ZFTA: variants seen among roughly 807,000 people sequenced by gnomAD.
The protein encoded by ZFTA is zinc finger translocation-associated protein.
A neutral mutation model predicts 41.8 loss-of-function variants in ZFTA; 35 were observed. The ratio of observed to expected loss-of-function variants is 0.84; its 90% CI spans 0.64 to 1.11. ZFTA has a LOEUF of 1.11. ZFTA is among the 50% of genes most tolerant of loss of function. The pLI is 0.00. For missense variants in ZFTA, 964 were observed against 989.8 expected, an observed-to-expected ratio of 0.97 and a Z score of 0.35; for synonymous variants, 514 against 436.4, an observed-to-expected ratio of 1.18 and a Z score of -2.22.
chr11:63,761,981 C>G lies in ZFTA; in HGVS notation c.*1437G>C, dbSNP rs533327145. 30 of 152,542 alleles carry G rather than the reference C, an allele frequency of 2.0e-4. 1 individual carries two copies. Among genetic ancestry groups the G allele is most frequent in the Admixed American group, 1.6e-3 (24 of 15,314 alleles). 9.4% of individuals were successfully genotyped at this position (152,542 alleles called of 1,614,324 possible). On this transcript the variant is annotated 3_prime_UTR_variant, in exon 5 of 5. Coordinates refer to ENST00000433688, the MANE Select transcript of ZFTA (RefSeq NM_001144936.2). ...CAGGGGCTGGACCACGCTGCCCAGG[C>G]ATCTCTTCCTCCAGACCCAACCCTC...
chr11:63,768,284 G>A (rs1453471769), intron 1 of ZFTA, among the ~76,000 whole-genome samples, 200 bp downstream of exon 1: 1 of 149,416 alleles, frequency 6.7e-6, no homozygotes, highest in East Asian at 2.0e-4. Flanking sequence ...AGCCGCCCGA[G>A]CCCCGCGAGC....
At position 63,762,559 on chromosome 11, in the gene ZFTA, G is replaced by A. The variant is rs2014661501; in HGVS notation, c.*859C>T. The stretch of plus-strand genomic sequence containing the variant: ...GGATGGGGATGGGGCGGGAATCGAA[G>A]GCTGACTGCCGGGACCGCCTGTGCC... On this transcript the variant is annotated 3_prime_UTR_variant, in exon 5 of 5. Coordinates refer to ENST00000433688, the MANE Select transcript of ZFTA (RefSeq NM_001144936.2). 1 of 152,376 alleles carries A rather than the reference G, an allele frequency of 6.6e-6. No homozygotes were observed. The highest frequency in any genetic ancestry group is 6.5e-5 in the Admixed American group (1 of 15,290). 9.4% of individuals were successfully genotyped at this position (152,376 alleles called of 1,614,324 possible).
rs1370399840 is a variant in ZFTA at position 63,765,087 on chromosome 11, G to T, written c.805C>A (p.Arg269=). 1.3e-6 allele frequency: 2 copies of T among 1,548,726 alleles called. No individual in the cohort carries two copies. Among genetic ancestry groups the T allele is most frequent in the Non-Finnish European group, 1.7e-6 (2 of 1,146,464 alleles). The stretch of plus-strand genomic sequence containing the variant: ...TCATAGTCCATGAGACACTCGGCCC[G>T]GAACCAGTTCTGCAGGGACTCCTTC... ...RLKESLQNWF[R]AECLMDYDPR... Residue 269 remains arginine, a synonymous_variant, in exon 3 of 5, where the codon CGG becomes AGG. Transcript: ENST00000433688. The surrounding 1 kb of genome is among the most constrained non-coding windows in gnomAD (Gnocchi z 4.0).
In ZFTA at chr11:63,765,179, C is replaced by T. The variant is rs948275732; in HGVS notation, c.713G>A (p.Arg238His). The change falls in exon 3 of 5, where the codon CGC becomes CAC. Residue 238 changes from arginine (R) to histidine (H), a missense_variant. By Grantham distance (29) the Arg-to-His change is conservative. Coordinates refer to ENST00000433688, the MANE Select transcript of ZFTA (RefSeq NM_001144936.2). This position sits in a 1 kb window ranked among gnomAD's most constrained non-coding sequence, Gnocchi z 4.0. ...CCCGGCCCTCCGGGAGGCTGAGAGG[C>T]GCAGACGCCGAGCCCGGGGTGCCAC... ...GPVAPRARRL[R>H]LSASRRAGGS... 4.6e-6 allele frequency: 7 copies of T among 1,530,658 alleles called. No homozygotes were observed. The highest frequency in any genetic ancestry group is 1.4e-5 in the African/African-American group (1 of 71,704). The allele number at this position is 1,530,658 out of a possible 1,614,324, so 94.8% of individuals were successfully genotyped here. A position where few individuals can be genotyped will look rare whatever the true frequency, so the allele number is the denominator to read the frequency against.
chr11:63,765,352 A>AGG lies in ZFTA; in HGVS notation c.638-100_638-99dup. On this transcript the variant is annotated intron_variant, in intron 2 of 4. Coordinates refer to ENST00000433688, the MANE Select transcript of ZFTA (RefSeq NM_001144936.2). This position sits in a 1 kb window ranked among gnomAD's most constrained non-coding sequence, Gnocchi z 4.0. ...CAAGCCTCTCACTCACTTGGGCCCC[A>AGG]GGCCTAACCTTTGCCCTTCTCTTCC... 7.7e-7 allele frequency: 1 copy of AGG among 1,303,570 alleles called. No individual in the cohort carries two copies. Among genetic ancestry groups the AGG allele is most frequent in the Non-Finnish European group, 1.0e-6 (1 of 996,534 alleles). The allele number at this position is 1,303,570 out of a possible 1,614,324, so 80.8% of individuals were successfully genotyped here.
intron 1 of ZFTA, among the ~76,000 whole-genome samples, 163 bp downstream of exon 1, chr11:63,768,320 TC>T (rs1228240369): frequency 6.8e-6 from 1 of 147,344 alleles, no homozygotes; most frequent in Admixed American, 6.7e-5. Context: ...GGCGGGGGGC[TC>T]CCCCGCCAGC....
rs1221855209 is a variant in ZFTA, at chr11:63,764,142, C to T, written c.1481G>A (p.Arg494His). 6.0e-6 allele frequency: 8 copies of T among 1,342,102 alleles called. No individual in the cohort carries two copies. The highest frequency in any genetic ancestry group is 4.0e-5 in the Admixed American group (1 of 24,934). 83.1% of individuals were successfully genotyped at this position (1,342,102 alleles called of 1,614,324 possible). The stretch of plus-strand genomic sequence containing the variant: ...GATGGGGCCCTGGGGGGACTCGGGG[C>T]GGGGCGGCCCCAGGGCCAGCAGGTG... ...AAHLLALGPPRPESPQGPIPP... is the reference protein window; with the variant it reads ...AAHLLALGPPHPESPQGPIPP... The change falls in exon 4 of 5, where the codon CGC becomes CAC. Residue 494 changes from arginine to histidine, a missense_variant. Coordinates refer to ENST00000433688, the MANE Select transcript of ZFTA (RefSeq NM_001144936.2).
At chr11:63,767,748 C>A (rs532713248) in intron 1 of ZFTA, among the ~76,000 whole-genome samples, 5 of 152,146 alleles carry the variant, frequency 3.3e-5, no homozygotes, top group Non-Finnish European at 7.3e-5. Context: ...AATGAGTCAA[C>A]AGTCTCCTTT....
rs774591536 is a variant in ZFTA at position 63,764,478 on chromosome 11, G to C, written c.1145C>G (p.Pro382Arg). ...CTCCTCTGCGGGCCCGGGCCTCTCA[G>C]GGACCCAGCCAGCCTCTTCCTTTAC... Reference protein sequence around the residue: ...PDVKEEAGWVPERPGPAEEEE... With the variant: ...PDVKEEAGWVRERPGPAEEEE... The change falls in exon 4 of 5, where the codon CCT becomes CGT. Residue 382 changes from proline to arginine, a missense_variant. Transcript: ENST00000433688. The C allele has an allele frequency of 3.2e-6, 4 of 1,262,404 alleles. No homozygotes were observed. In the African/African-American group the frequency reaches 4.7e-5, roughly 15 times the overall value. 78.2% of individuals were successfully genotyped at this position (1,262,404 alleles called of 1,614,324 possible). A position where few individuals can be genotyped will look rare whatever the true frequency, so the allele number is the denominator to read the frequency against.
Position 63,764,327 on chromosome 11 carries a change from G to A in ZFTA, c.1296C>T (p.Gly432=). 2.2e-6 allele frequency: 3 copies of A among 1,373,908 alleles called. No individual in the cohort carries two copies. The highest frequency in any genetic ancestry group is 1.6e-5 in the South Asian group (1 of 63,412). 85.1% of individuals were successfully genotyped at this position (1,373,908 alleles called of 1,614,324 possible). The change falls in exon 4 of 5, where the codon GGC becomes GGT. Residue 432 remains glycine, a synonymous_variant. Coordinates refer to ENST00000433688, the MANE Select transcript of ZFTA (RefSeq NM_001144936.2). ...WRLEYLMELD[G]GRRGLVCGVC... ...CCCCGCACACCAGGCCGCGCCGGCC[G>A]CCGTCCAACTCCATGAGGTACTCCA...
Position 63,766,315 on chromosome 11 carries a change from G to GTTT in ZFTA, c.140-12_140-11insAAA. 2.1e-6 allele frequency: 3 copies of GTTT among 1,421,606 alleles called. No homozygotes were observed. Among genetic ancestry groups the GTTT allele is most frequent in the Non-Finnish European group, 2.7e-6 (3 of 1,092,620 alleles). The allele number at this position is 1,421,606 out of a possible 1,614,324, so 88.1% of individuals were successfully genotyped here. ...GCTGAAGATCTTGCCCTGAAGAAGG[G>GTTT]GAAAGGGAGACAGTTTTTCAATCTC... On this transcript the variant is annotated splice_polypyrimidine_tract_variant and intron_variant, in intron 1 of 4. Coordinates refer to ENST00000433688, the MANE Select transcript of ZFTA (RefSeq NM_001144936.2).
Position 63,764,917 on chromosome 11 carries a change from G to A in ZFTA, c.975C>T (p.Ala325=), listed in dbSNP as rs1394440212. ...ACAGCGCCTCGGGCTGGCCCCCCCA[G>A]GCCTGCAGCAGGGCACTGCGCTGGG... is the stretch of plus-strand genomic sequence containing the variant. ...SGPQRSALLQ[A]WGGQPEALSE... Residue 325 remains alanine (A), a synonymous_variant, in exon 3 of 5, where the codon GCC becomes GCT. Transcript: ENST00000433688. 2 of 1,540,194 alleles carry A rather than the reference G, an allele frequency of 1.3e-6. No individual in the cohort carries two copies. The highest frequency in any genetic ancestry group is 1.7e-6 in the Non-Finnish European group (2 of 1,143,624).
Position 63,764,042 on chromosome 11 carries a change from C to T in ZFTA, c.1581G>A (p.Glu527=). 1 of 1,146,708 alleles carries T rather than the reference C, an allele frequency of 8.7e-7. No individual in the cohort carries two copies. The highest frequency in any genetic ancestry group is 1.6e-5 in the African/African-American group (1 of 60,620). 71.0% of individuals were successfully genotyped at this position (1,146,708 alleles called of 1,614,324 possible). The part of the protein sequence containing the change: ...EEEEPEEEEE[E]WGDVPLSPGA... Reference sequence around the variant, plus strand: ...TGCTCTGGCCCCACCGCTCACCCCACTCCTCCTCCTCCTCCTCTGGCTCCT... The same window carrying T: ...TGCTCTGGCCCCACCGCTCACCCCATTCCTCCTCCTCCTCCTCTGGCTCCT... The change falls in exon 4 of 5, where the codon GAG becomes GAA. Residue 527 remains glutamate, a synonymous_variant. Coordinates refer to ENST00000433688, the MANE Select transcript of ZFTA (RefSeq NM_001144936.2).
chr11:63,765,774 C>A lies in ZFTA; in HGVS notation c.637+33G>T, dbSNP rs1035923797. On this transcript the variant is annotated intron_variant, in intron 2 of 4. Coordinates refer to ENST00000433688, the MANE Select transcript of ZFTA (RefSeq NM_001144936.2). This position sits in a 1 kb window ranked among gnomAD's most constrained non-coding sequence, Gnocchi z 4.0. ...CACTGTGCCCCACTGGCCACCCAGG[C>A]CCCTGCCTGTACAGAATCTGCATTT... 5 of 1,441,934 alleles carry A rather than the reference C, an allele frequency of 3.5e-6. No homozygotes were observed. Among genetic ancestry groups the A allele is most frequent in the Non-Finnish European group, 4.5e-6 (5 of 1,099,346 alleles). 89.3% of individuals were successfully genotyped at this position (1,441,934 alleles called of 1,614,324 possible).
chr11:63,767,070 G>A (rs1463583987), intron 1 of ZFTA, among the ~76,000 whole-genome samples: 1 of 152,224 alleles, frequency 6.6e-6, no homozygotes, highest in African/African-American at 2.4e-5. Context: ...AGTCTTTCTG[G>A]GGCTTTATTT....
chr11:63,767,535 A>G (rs1565059911), intron 1 of ZFTA: 1 of 152,140 alleles, frequency 6.6e-6, no homozygotes, highest in Non-Finnish European at 1.5e-5. Flanking sequence ...GCATCCTTCC[A>G]GCGCTGGATC....
At chr11:63,768,457 G>C in intron 1 of ZFTA, 27 bp downstream of exon 1, 1 of 1,104,934 alleles carries the variant, frequency 9.1e-7, no homozygotes, top group Non-Finnish European at 1.1e-6. Context: ...CGGGGCCCCC[G>C]CCCGGGCCGC....
rs1322867067 is a variant in ZFTA, at chr11:63,766,115, C to T, written c.329G>A (p.Arg110Gln). The T allele has an allele frequency of 7.2e-6, 11 of 1,520,566 alleles. No homozygotes were observed. The highest frequency in any genetic ancestry group is 2.5e-5 in the East Asian group (1 of 40,516). 94.2% of individuals were successfully genotyped at this position (1,520,566 alleles called of 1,614,324 possible). Residue 110 changes from arginine (R) to glutamine (Q), a missense_variant, in exon 2 of 5, where the codon CGG (arginine) becomes CAG (glutamine). Physicochemically the swap from Arg to Gln is conservative, Grantham distance 43. Transcript: ENST00000433688. The stretch of plus-strand genomic sequence containing the variant: ...GTTGAAGTCCATCAGGTACTCCAGC[C>T]GCCAGTGGTCGTGGTAGTAGCGCCG... ...DHRRYYHDHW[R>Q]LEYLMDFNPA...
chr11:63,765,201 C>T lies in ZFTA; in HGVS notation c.691G>A (p.Ala231Thr). The change falls in exon 3 of 5, where the codon GCA becomes ACA. Residue 231 changes from alanine to threonine, a missense_variant. Ala to Thr is a moderately conservative substitution (Grantham distance 58, BLOSUM62 0). This residue lies in a region of ZFTA where 584 missense variants were observed against 523.1 expected (regional missense o/e 1.12). Coordinates refer to ENST00000433688, the MANE Select transcript of ZFTA (RefSeq NM_001144936.2). This position sits in a 1 kb window ranked among gnomAD's most constrained non-coding sequence, Gnocchi z 4.0. ...AGGCGCAGACGCCGAGCCCGGGGTG[C>T]CACTGGGCCCCCTCGCCGCTGGCGC... The part of the protein sequence containing the change: ...CRRQRRGGPV[A>T]PRARRLRLSA... 1 of 1,487,476 alleles carries T rather than the reference C, an allele frequency of 6.7e-7. No homozygotes were observed. Among genetic ancestry groups the T allele is most frequent in the Non-Finnish European group, 8.9e-7 (1 of 1,124,496 alleles). 92.1% of individuals were successfully genotyped at this position (1,487,476 alleles called of 1,614,324 possible). A position where few individuals can be genotyped will look rare whatever the true frequency, so the allele number is the denominator to read the frequency against.
Sources: allele counts gnomAD v4.1 joint callset (sites outside exome capture counted in the v4.1 genomes callset), GRCh38; gene constraint gnomAD v4.1.1; regional missense constraint gnomAD v4.1.1; non-coding constraint Gnocchi (gnomAD v3.1); transcripts MANE v1.5; gene names NCBI Gene and HGNC (gene_info 2026-07-23, HGNC 2026-07-21).